The following PRH1 variants were observed in gnomAD, a reference collection of about 807,000 sequenced individuals.
PRH1 encodes proline rich protein HaeIII subfamily 1.
In PRH1, 7 loss-of-function variants were observed where a neutral mutation model predicts 7.9. The ratio of observed to expected loss-of-function variants is 0.89; its 90% CI spans 0.50 to 1.67. The LOEUF is 1.67. PRH1 is among the 40% of genes most tolerant of loss of function. PRH1 has a pLI of 0.00. For missense variants in PRH1, 109 were observed against 223.6 expected, an observed-to-expected ratio of 0.49 and a Z score of 3.27; for synonymous variants, 45 against 80.8, an observed-to-expected ratio of 0.56 and a Z score of 2.38.
At chr12:11,058,910 T>C (rs780409209) in intron 1 of PRH1, among the ~76,000 whole-genome samples, 3 of 152,164 alleles carry the variant, frequency 2.0e-5, no homozygotes, top group South Asian at 4.1e-4. Flanking sequence ...GACACAGACA[T>C]GTGCTTTCTT....
intron 1 of PRH1, among the ~76,000 whole-genome samples, chr12:10,998,736 T>C (rs1313389990): frequency 1.3e-5 from 2 of 152,160 alleles, no homozygotes; most frequent in African/African-American, 4.8e-5. Context: ...CCTGCAAGCT[T>C]GTAAACATTC....
At chr12:10,956,541 T>TGA (rs1024182186) in intron 2 of PRH1, among the ~76,000 whole-genome samples, 1 of 152,110 alleles carries the variant, frequency 6.6e-6, no homozygotes, top group Non-Finnish European at 1.5e-5. Context: ...TCACCACTCT[T>TGA]ATTCAACAGT....
upstream of PRH1, among the ~76,000 whole-genome samples, chr12:11,049,467 T>C (rs933059488): frequency 1.3e-5 from 2 of 152,278 alleles, no homozygotes; most frequent in African/African-American, 4.8e-5. Flanking sequence ...TAGAAAATAT[T>C]CTTATTCTCA....
intron 1 of PRH1, among the ~76,000 whole-genome samples, chr12:11,018,005 A>T (rs1941384279): frequency 6.6e-6 from 1 of 152,188 alleles, no homozygotes; most frequent in South Asian, 2.1e-4. Context: ...ATGAATGCAA[A>T]GACTCCTGGT....
At chr12:11,030,849 T>TC (rs1185073458) in intron 1 of PRH1, 1 of 1,614,060 alleles carries the variant, frequency 6.2e-7, no homozygotes, top group Non-Finnish European at 8.5e-7. Flanking sequence ...ATCTTCCAAG[T>TC]CAAGTTTCCT....
intron 1 of PRH1, among the ~76,000 whole-genome samples, chr12:11,143,530 G>A (rs1946769042): frequency 6.6e-6 from 1 of 152,118 alleles, no homozygotes; most frequent in African/African-American, 2.4e-5. Context: ...AACATTGAAT[G>A]TAAATGGACT....
intron 1 of PRH1, among the ~76,000 whole-genome samples, chr12:11,026,898 C>G (rs1941943263): frequency 6.6e-6 from 1 of 152,204 alleles, no homozygotes; most frequent in Non-Finnish European, 1.5e-5. Context: ...CACTGTGTCA[C>G]TGTTTTATAT....
chr12:11,050,505 T>G (rs368099536), upstream of PRH1, among the ~76,000 whole-genome samples: 1 of 152,204 alleles, frequency 6.6e-6, no homozygotes, highest in Admixed American at 6.6e-5. Context: ...ATCACGAACA[T>G]GTCACAGTGC....
intron 1 of PRH1, among the ~76,000 whole-genome samples, chr12:10,987,823 T>C (rs1939727578): frequency 6.6e-6 from 1 of 152,156 alleles, no homozygotes; most frequent in South Asian, 2.1e-4. Context: ...ATTTTGTAAA[T>C]ATTCCTGAGT....
At chr12:10,909,953 C>A (rs138801329) in intron 2 of PRH1, among the ~76,000 whole-genome samples, 1 of 152,260 alleles carries the variant, frequency 6.6e-6, no homozygotes, top group Non-Finnish European at 1.5e-5. Context: ...CACCACCATC[C>A]CTCCATAGGC....
At chr12:11,022,450 A>T in intron 1 of PRH1, 2 of 1,614,134 alleles carry the variant, frequency 1.2e-6, no homozygotes, top group Non-Finnish European at 1.7e-6. Context: ...AGCTGAGGAG[A>T]TCTTTCGTGT....
chr12:10,983,163 G>A (rs1452037526), intron 1 of PRH1, among the ~76,000 whole-genome samples: 1 of 152,146 alleles, frequency 6.6e-6, no homozygotes, highest in African/African-American at 2.4e-5. Context: ...CCATAGGAGT[G>A]GGGAGAGCAA....
intron 2 of PRH1, among the ~76,000 whole-genome samples, chr12:10,901,698 G>A (rs559070010): frequency 4.1e-4 from 62 of 152,154 alleles, no homozygotes; most frequent in Middle Eastern, 3.4e-3. Context: ...AGGTTGAACC[G>A]CACAGTCTAA....
rs139003300 is a variant in PRH1, at chr12:10,890,606, G to C, written c.-58-6331C>G. 4.6e-3 allele frequency among the ~76,000 whole-genome samples: 698 copies of C among 152,254 alleles called. 6 individuals are homozygous for C. The highest frequency in any genetic ancestry group is 0.016 in the African/African-American group (672 of 41,544). On this transcript the variant is annotated intron_variant, in intron 2 of 3. Transcript: ENST00000539853. ...GACTGTAGGCCTCCCCGGTGCAGTG[G>C]CTCATGCCTGTAATATCAGTACTTG...
chr12:11,110,007 G>T (rs1006622312), intron 1 of PRH1, among the ~76,000 whole-genome samples: 5 of 152,064 alleles, frequency 3.3e-5, no homozygotes, highest in Non-Finnish European at 7.4e-5. Context: ...CACAGCATGA[G>T]AACTTTGTGA....
At chr12:10,957,008 A>G (rs1045582627) in intron 2 of PRH1, among the ~76,000 whole-genome samples, 1 of 152,140 alleles carries the variant, frequency 6.6e-6, no homozygotes, top group African/African-American at 2.4e-5. Context: ...TATAGATTCA[A>G]TGCTATTCCT....
At chr12:10,938,562 CAG>C in intron 2 of PRH1, 7 of 1,613,990 alleles carry the variant, frequency 4.3e-6, no homozygotes, top group Non-Finnish European at 5.9e-6. Context: ...GATATTTTGA[CAG>C]TGTGCTGCAT....
intron 2 of PRH1, among the ~76,000 whole-genome samples, chr12:10,965,717 T>C (rs1166634024): frequency 6.6e-6 from 1 of 152,228 alleles, no homozygotes; most frequent in Admixed American, 6.5e-5. Context: ...TTTCCTCATT[T>C]CACCTTTCCA....
At chr12:11,028,183 T>A (rs940907789) in intron 1 of PRH1, among the ~76,000 whole-genome samples, 5 of 152,230 alleles carry the variant, frequency 3.3e-5, no homozygotes, top group African/African-American at 1.2e-4. Context: ...ACCAAGGGAC[T>A]GGATGATGTA....
Sources: gnomAD v4.1 joint callset for allele counts (sites outside exome capture counted in the v4.1 genomes callset) on GRCh38, gnomAD v4.1.1 for gene constraint, MANE v1.5 for transcripts, NCBI Gene and HGNC (gene_info 2026-07-23, HGNC 2026-07-21) for gene names.